MEGF9: variants seen among roughly 807,000 people sequenced by gnomAD.
MEGF9 encodes the protein multiple EGF like domains 9.
MEGF9 carries 6 observed loss-of-function variants against 46.8 expected under a neutral mutation model. The ratio of observed to expected loss-of-function variants is 0.13; its 90% CI spans 0.07 to 0.25. The LOEUF is 0.25. MEGF9 is among the 10% of genes least tolerant of loss of function. The pLI, the probability that MEGF9 is intolerant of heterozygous loss-of-function variation, is 1.00. For synonymous variants in MEGF9, 302 were observed against 330.7 expected, an observed-to-expected ratio of 0.91 and a Z score of 0.94; for missense variants, 683 against 792.4, an observed-to-expected ratio of 0.86 and a Z score of 1.66.
chr9:120,685,502 T>C (rs1013409412), intron 1 of MEGF9, among the ~76,000 whole-genome samples: 2 of 152,220 alleles, frequency 1.3e-5, no homozygotes, highest in Admixed American at 6.5e-5. Flanking sequence ...GGAAACAGAC[T>C]ATGGCTAAAT....
intron 2 of MEGF9, among the ~76,000 whole-genome samples, chr9:120,624,898 T>C (rs1048059874): frequency 6.9e-6 from 1 of 144,310 alleles, no homozygotes; most frequent in South Asian, 2.2e-4. Flanking sequence ...AAAAATGAAG[T>C]GAGGAATTTT....
intron 1 of MEGF9, among the ~76,000 whole-genome samples, chr9:120,688,266 C>T (rs767066446): frequency 6.6e-6 from 1 of 151,886 alleles, no homozygotes; most frequent in Non-Finnish European, 1.5e-5. Context: ...GGCCAATCAA[C>T]ATGGAAAAAC....
At chr9:120,636,776 A>C (rs1484178117) in intron 2 of MEGF9, among the ~76,000 whole-genome samples, 3 of 150,876 alleles carry the variant, frequency 2.0e-5, no homozygotes, top group African/African-American at 7.3e-5. Flanking sequence ...CTGAGAAGTG[A>C]GGAGCCCGTC....
intron 1 of MEGF9, among the ~76,000 whole-genome samples, chr9:120,710,158 G>A (rs2043946826): frequency 6.6e-6 from 1 of 151,998 alleles, no homozygotes; most frequent in South Asian, 2.1e-4. Context: ...GCCAGGCACG[G>A]TGGCTTACAC....
At position 120,674,355 on chromosome 9, in the gene MEGF9, T is replaced by C. The variant is rs192103997; in HGVS notation, c.602-14780A>G. Among the ~76,000 whole-genome samples the C allele has an allele frequency of 2.3e-3, 344 of 152,276 alleles. 1 individual carries two copies. Among genetic ancestry groups the C allele is most frequent in the African/African-American group, 8.0e-3 (332 of 41,554 alleles). ...TCTAGAAACTTTACCAAAGAAGATA[T>C]ATGTACGACAAATAAGCACTTGAAA... On this transcript the variant is annotated intron_variant, in intron 1 of 5. Transcript: ENST00000373930.
At chr9:120,652,418 A>G (rs1671987654) in intron 2 of MEGF9, among the ~76,000 whole-genome samples, 1 of 142,982 alleles carries the variant, frequency 7.0e-6, no homozygotes, top group Admixed American at 7.2e-5. Context: ...TTGAGGCTGC[A>G]GCGAGCCATG....
At chr9:120,622,417 CT>C (rs59380409) in intron 3 of MEGF9, among the ~76,000 whole-genome samples, 198 bp downstream of exon 3, 223 of 101,166 alleles carry the variant, frequency 2.2e-3, no homozygotes, top group African/African-American at 3.7e-3. Context: ...AGGTATATGA[CT>C]TTTTTTTTTT....
intron 2 of MEGF9, among the ~76,000 whole-genome samples, chr9:120,657,380 G>A (rs2043681816): frequency 6.6e-6 from 1 of 152,192 alleles, no homozygotes; most frequent in South Asian, 2.1e-4. Flanking sequence ...ATTTGCAGTA[G>A]AATTATGAAT....
chr9:120,666,213 C>T (rs995733665), intron 1 of MEGF9, among the ~76,000 whole-genome samples: 1 of 152,046 alleles, frequency 6.6e-6, no homozygotes, highest in Non-Finnish European at 1.5e-5. Context: ...ATACTGTTAT[C>T]TATTAAGAAT....
intron 3 of MEGF9, among the ~76,000 whole-genome samples, chr9:120,614,679 C>T (rs1343509876): frequency 6.6e-6 from 1 of 151,872 alleles, no homozygotes; most frequent in Non-Finnish European, 1.5e-5. Flanking sequence ...TCAAAACCTG[C>T]ATTATGTGTG....
chr9:120,700,381 A>G (rs867126760), intron 1 of MEGF9, among the ~76,000 whole-genome samples: 2 of 152,234 alleles, frequency 1.3e-5, no homozygotes, highest in Non-Finnish European at 2.9e-5. Flanking sequence ...AATTCAGTAT[A>G]ATAATACCCA....
intron 4 of MEGF9, among the ~76,000 whole-genome samples, chr9:120,611,161 G>A (rs1587972448): frequency 6.6e-6 from 1 of 152,118 alleles, no homozygotes; most frequent in East Asian, 1.9e-4. Flanking sequence ...ATGCAAAATG[G>A]TGTACTCATT....
At chr9:120,687,903 T>C (rs1233048211) in intron 1 of MEGF9, among the ~76,000 whole-genome samples, 1 of 151,960 alleles carries the variant, frequency 6.6e-6, no homozygotes, top group Non-Finnish European at 1.5e-5. Context: ...GGGAGGCAGG[T>C]ATACAGGGGA....
intron 2 of MEGF9, among the ~76,000 whole-genome samples, chr9:120,655,449 C>T (rs1378750885): frequency 6.6e-6 from 1 of 152,102 alleles, no homozygotes; most frequent in Non-Finnish European, 1.5e-5. Flanking sequence ...TGTGTAAGTA[C>T]ATTCTATGAT....
chr9:120,643,234 A>T (rs2043610854), intron 2 of MEGF9, among the ~76,000 whole-genome samples: 1 of 152,194 alleles, frequency 6.6e-6, no homozygotes, highest in African/African-American at 2.4e-5. Context: ...ATGAAAAAAA[A>T]AAAATCTGAG....
chr9:120,702,570 C>T (rs1482804161), intron 1 of MEGF9, among the ~76,000 whole-genome samples: 1 of 152,174 alleles, frequency 6.6e-6, no homozygotes, highest in East Asian at 1.9e-4. Flanking sequence ...ATGTATATTG[C>T]TGCTTAATAT....
chr9:120,639,290 T>C (rs1424102837), intron 2 of MEGF9, among the ~76,000 whole-genome samples: 1 of 151,644 alleles, frequency 6.6e-6, no homozygotes, highest in Non-Finnish European at 1.5e-5. Flanking sequence ...GGGTGGATAA[T>C]TTGAGGTCAG....
chr9:120,661,678 T>G (rs1227990808), intron 1 of MEGF9, among the ~76,000 whole-genome samples: 1 of 152,218 alleles, frequency 6.6e-6, no homozygotes, highest in African/African-American at 2.4e-5. Flanking sequence ...CAATCAAGAT[T>G]CTTATTTTCA....
intron 1 of MEGF9, among the ~76,000 whole-genome samples, chr9:120,700,134 A>C (rs1441481157): frequency 6.6e-6 from 1 of 152,116 alleles, no homozygotes; most frequent in Non-Finnish European, 1.5e-5. Flanking sequence ...CTTCTCAAAA[A>C]CCTTTGGTGA....
Sources: gnomAD v4.1 joint callset for allele counts (sites outside exome capture counted in the v4.1 genomes callset) on GRCh38, gnomAD v4.1.1 for gene constraint, MANE v1.5 for transcripts, NCBI Gene and HGNC (gene_info 2026-07-23, HGNC 2026-07-21) for gene names.